The following SCO1 variants were observed in gnomAD, a reference collection of about 807,000 sequenced individuals.
SCO1 encodes synthesis of cytochrome C oxidase 1, also known as cytochrome c oxidase assembly factor SCO1.
In SCO1, 23 loss-of-function variants were observed where a neutral mutation model predicts 34.0. That is an observed-to-expected ratio of 0.68 (90% confidence interval 0.49 to 0.96). The LOEUF (loss-of-function observed/expected upper bound fraction) is 0.96. SCO1 is among the 40% of genes least tolerant of loss of function. SCO1 has a pLI of 0.00. For synonymous variants in SCO1, 161 were observed against 145.5 expected (o/e 1.11, Z -0.77); for missense variants, 404 against 381.6 (o/e 1.06, Z -0.49).
intron 3 of SCO1, among the ~76,000 whole-genome samples, chr17:10,692,332 G>A (rs906622004): frequency 1.3e-5 from 2 of 152,104 alleles, no homozygotes; most frequent in East Asian, 3.8e-4. Context: ...AGGGCAAGAA[G>A]GTAAATTGTT....
At chr17:10,693,096 CAAG>C in intron 2 of SCO1, 135 bp from the exon 3 acceptor site, 1 of 712,856 alleles carries the variant, frequency 1.4e-6, no homozygotes, top group Non-Finnish European at 2.4e-6. Context: ...TTTCAGTTTT[CAAG>C]AAGCTAAAAA....
At chr17:10,688,558 A>G (rs1398756057) in intron 4 of SCO1, among the ~76,000 whole-genome samples, 1 of 152,196 alleles carries the variant, frequency 6.6e-6, no homozygotes, top group Non-Finnish European at 1.5e-5. Flanking sequence ...ATGCAGAAAT[A>G]TACCATTTTG....
At chr17:10,681,833 A>T (rs2074623809) in intron 5 of SCO1, among the ~76,000 whole-genome samples, 1 of 152,240 alleles carries the variant, frequency 6.6e-6, no homozygotes, top group Non-Finnish European at 1.5e-5. Flanking sequence ...TCATTAGTTT[A>T]AATAATCTAT....
chr17:10,697,324 G>T lies in SCO1; in HGVS notation c.184C>A (p.Leu62Met). Residue 62 changes from leucine (L) to methionine (M), a missense_variant, in exon 1 of 6, where the codon CTG becomes ATG. Coordinates refer to ENST00000255390, the MANE Select transcript of SCO1 (RefSeq NM_004589.4). ...WRASGRPGYCLGTRPLSTARP... is the reference protein window; with the variant it reads ...WRASGRPGYCMGTRPLSTARP... ...GCAGTGCTGAGGGGCCGGGTTCCCA[G>T]GCAATAGCCAGGGCGCCCCGAGGCA... 1 of 1,571,248 alleles carries T rather than the reference G, an allele frequency of 6.4e-7. No individual in the cohort carries two copies. Among genetic ancestry groups the T allele is most frequent in the East Asian group, 2.4e-5 (1 of 42,458 alleles).
Position 10,674,651 on chromosome 17 carries a change from C to T in SCO1, c.*6468G>A, listed in dbSNP as rs1567570563. 6.5e-6 allele frequency: 1 copy of T among 153,134 alleles called. No individual in the cohort carries two copies. Among genetic ancestry groups the T allele is most frequent in the African/African-American group, 2.4e-5 (1 of 41,420 alleles). 9.5% of individuals were successfully genotyped at this position (153,134 alleles called of 1,614,324 possible). A position where few individuals can be genotyped will look rare whatever the true frequency, so the allele number is the denominator to read the frequency against. ...TCTTCCTCTATACAGTGAGGACATACCAGATGGTGTGTGACACGTCTGACA... is the reference window on the plus strand; with the variant it reads ...TCTTCCTCTATACAGTGAGGACATATCAGATGGTGTGTGACACGTCTGACA... On this transcript the variant is annotated 3_prime_UTR_variant, in exon 6 of 6. Transcript: ENST00000255390.
chr17:10,681,132 C>A lies in SCO1; in HGVS notation c.893G>T (p.Arg298Ile). The A allele has an allele frequency of 3.1e-6, 5 of 1,614,190 alleles. No individual in the cohort carries two copies. Among genetic ancestry groups the A allele is most frequent in the Non-Finnish European group, 4.2e-6 (5 of 1,180,036 alleles). ...ASIATHMRPY[R>I]KKS ...ACACTGCTTTGGCTAGCTCTTTTTT[C>A]TGTATGGCCTCATGTGTGTGGCAAT... The change falls in exon 6 of 6, where the codon AGA becomes ATA. Residue 298 changes from arginine to isoleucine, a missense_variant. Coordinates refer to ENST00000255390, the MANE Select transcript of SCO1 (RefSeq NM_004589.4).
rs1468309185 is a variant in SCO1 at position 10,679,622 on chromosome 17, T to C, written c.*1497A>G. 3.3e-5 allele frequency: 5 copies of C among 152,218 alleles called. No homozygotes were observed. The highest frequency in any genetic ancestry group is 6.5e-5 in the Admixed American group (1 of 15,286). 9.4% of individuals were successfully genotyped at this position (152,218 alleles called of 1,614,324 possible). A position where few individuals can be genotyped will look rare whatever the true frequency, so the allele number is the denominator to read the frequency against. On this transcript the variant is annotated 3_prime_UTR_variant, in exon 6 of 6. Coordinates refer to ENST00000255390, the MANE Select transcript of SCO1 (RefSeq NM_004589.4). ...ACTTTGCCCCTAGGGCAGCAGCTTC[T>C]GGCAGAAAAAGGCCAAACCCAGGAT... is the stretch of plus-strand genomic sequence containing the variant.
At chr17:10,682,843 T>A (rs1327572698) in intron 5 of SCO1, among the ~76,000 whole-genome samples, 1 of 152,224 alleles carries the variant, frequency 6.6e-6, no homozygotes, top group Non-Finnish European at 1.5e-5. Flanking sequence ...ATTCTCCTCC[T>A]CTTCAAATGA....
At chr17:10,690,965 A>C (rs2074685788) in intron 4 of SCO1, among the ~76,000 whole-genome samples, 2 of 152,346 alleles carry the variant, frequency 1.3e-5, no homozygotes, top group South Asian at 2.1e-4. Flanking sequence ...CTGCATATTC[A>C]TACGTGGAAA....
intron 1 of SCO1, 100 bp downstream of exon 1, chr17:10,697,135 G>C (rs966147138): frequency 1.7e-6 from 2 of 1,156,544 alleles, no homozygotes; most frequent in Admixed American, 2.9e-5. Context: ...AACTTTAGGG[G>C]AGGCGGAGTA....
intron 5 of SCO1, among the ~76,000 whole-genome samples, chr17:10,682,532 T>C (rs751645432): frequency 9.2e-5 from 14 of 152,192 alleles, no homozygotes; most frequent in Non-Finnish European, 2.1e-4. Context: ...CCCTATTTCT[T>C]CCTTTTCTCT....
rs2074570017 is a variant in SCO1, at chr17:10,674,789, G to A, written c.*6330C>T. The stretch of plus-strand genomic sequence containing the variant: ...CAGGCATCTACAGAGCTCAGCCTTG[G>A]CCCCTTACCTTTGCATCATCCTTGA... On this transcript the variant is annotated 3_prime_UTR_variant, in exon 6 of 6. Transcript: ENST00000255390. 1 of 152,270 alleles carries A rather than the reference G, an allele frequency of 6.6e-6. No homozygotes were observed. Among genetic ancestry groups the A allele is most frequent in the African/African-American group, 2.4e-5 (1 of 41,436 alleles). 9.4% of individuals were successfully genotyped at this position (152,270 alleles called of 1,614,324 possible).
chr17:10,683,504 T>C lies in SCO1; in HGVS notation c.772-2251A>G, dbSNP rs557619964. Among the ~76,000 whole-genome samples the C allele has an allele frequency of 2.6e-5, 4 of 152,266 alleles. No individual in the cohort carries two copies. In the South Asian group the frequency reaches 8.3e-4, roughly 32 times the overall value. ...GTATGAGTTTAATTCCTATCAACAA[T>C]GCATGAGTGTGCCTGCTGTTCCAAA... On this transcript the variant is annotated intron_variant, in intron 5 of 5. Transcript: ENST00000255390.
At position 10,697,481 on chromosome 17, in the gene SCO1, T is replaced by C. The variant is rs538897644; in HGVS notation, c.27A>G (p.Gly9=). ...GGCCACCCAGAGGCCGCATAACTCG[T>C]CCGGGTACTAGGACCAGCATCGCCA... is the stretch of plus-strand genomic sequence containing the variant. MAMLVLVP[G]RVMRPLGGQL... is the part of the protein sequence containing the mutation. The change falls in exon 1 of 6, where the codon GGA becomes GGG. Residue 9 remains glycine, a synonymous_variant. Transcript: ENST00000255390. 3 of 1,613,450 alleles carry C rather than the reference T, an allele frequency of 1.9e-6. No individual in the cohort carries two copies. Among genetic ancestry groups the C allele is most frequent in the South Asian group, 2.2e-5 (2 of 91,038 alleles).
At position 10,681,040 on chromosome 17, in the gene SCO1, T is replaced by C; in HGVS notation, c.*79A>G. The C allele has an allele frequency of 6.6e-7, 1 of 1,516,752 alleles. No individual in the cohort carries two copies. The highest frequency in any genetic ancestry group is 9.2e-7 in the Non-Finnish European group (1 of 1,091,954). 94.0% of individuals were successfully genotyped at this position (1,516,752 alleles called of 1,614,324 possible). ...TCTGTAGAGTGCACGTATATATGTT[T>C]ATATTTATATAGGCTCCTATGCGAG... On this transcript the variant is annotated 3_prime_UTR_variant, in exon 6 of 6. Coordinates refer to ENST00000255390, the MANE Select transcript of SCO1 (RefSeq NM_004589.4).
Position 10,676,820 on chromosome 17 carries a change from A to G in SCO1, c.*4299T>C, listed in dbSNP as rs1437466545. The G allele has an allele frequency of 6.6e-6, 1 of 152,248 alleles. No individual in the cohort carries two copies. Among genetic ancestry groups the G allele is most frequent in the Non-Finnish European group, 1.5e-5 (1 of 68,044 alleles). 9.4% of individuals were successfully genotyped at this position (152,248 alleles called of 1,614,324 possible). ...AAACTTTCTTTACTGAGGATATAGT[A>G]TAATTACGGAAGAAGAGCCAACAAA... On this transcript the variant is annotated 3_prime_UTR_variant, in exon 6 of 6. Transcript: ENST00000255390.
intron 5 of SCO1, among the ~76,000 whole-genome samples, chr17:10,683,062 T>C (rs1351335679): frequency 6.6e-6 from 1 of 152,194 alleles, no homozygotes; most frequent in Non-Finnish European, 1.5e-5. Context: ...TATATGCACA[T>C]AGAAAACGAA....
In SCO1 at chr17:10,678,164, T is replaced by A. The variant is rs2074594390; in HGVS notation, c.*2955A>T. 1 of 152,130 alleles carries A rather than the reference T, an allele frequency of 6.6e-6. No individual in the cohort carries two copies. Among genetic ancestry groups the A allele is most frequent in the Admixed American group, 6.6e-5 (1 of 15,262 alleles). 9.4% of individuals were successfully genotyped at this position (152,130 alleles called of 1,614,324 possible). ...AGCCTTGCTTTTGATTTCCCAAGAT[T>A]TGCAGCTGAAAAACGTTGCCCCACT... On this transcript the variant is annotated 3_prime_UTR_variant, in exon 6 of 6. Transcript: ENST00000255390.
At chr17:10,683,311 T>C (rs762868698) in intron 5 of SCO1, among the ~76,000 whole-genome samples, 4 of 152,226 alleles carry the variant, frequency 2.6e-5, no homozygotes, top group Admixed American at 6.5e-5. Context: ...CTACGTTAGA[T>C]TATACACAGT....
Sources: allele counts gnomAD v4.1 joint callset (sites outside exome capture counted in the v4.1 genomes callset), GRCh38; gene constraint gnomAD v4.1.1; transcripts MANE v1.5; gene names NCBI Gene and HGNC (gene_info 2026-07-23, HGNC 2026-07-21).